SYNPR: variants seen among roughly 807,000 people sequenced by gnomAD.
SYNPR encodes synaptoporin.
A neutral mutation model predicts 32.9 loss-of-function variants in SYNPR; 23 were observed. That is an observed-to-expected ratio of 0.70 (90% CI 0.50 to 0.99). The LOEUF (loss-of-function observed/expected upper bound fraction) is 0.99, where lower values mean the gene tolerates loss of function less well. SYNPR is among the 50% of genes least tolerant of loss of function. SYNPR has a pLI of 0.00. For synonymous variants in SYNPR, 146 were observed against 135.9 expected (o/e 1.07, Z -0.52); for missense variants, 318 against 349.3 (o/e 0.91, Z 0.71).
intron 2 of SYNPR, among the ~76,000 whole-genome samples, chr3:63,397,607 T>G (rs1237194495): frequency 6.6e-6 from 1 of 152,152 alleles, no homozygotes; most frequent in Non-Finnish European, 1.5e-5. Flanking sequence ...CGCTCTGAAG[T>G]TCTGTGATAT....
chr3:63,455,421 T>C (rs1227462297), intron 2 of SYNPR, among the ~76,000 whole-genome samples: 3 of 152,140 alleles, frequency 2.0e-5, no homozygotes, highest in Non-Finnish European at 4.4e-5. Flanking sequence ...AGTGAAATAA[T>C]GACATTTTAA....
At chr3:63,448,601 C>A (rs1001856474) in intron 2 of SYNPR, among the ~76,000 whole-genome samples, 8 of 151,916 alleles carry the variant, frequency 5.3e-5, no homozygotes, top group Admixed American at 5.2e-4. Flanking sequence ...AATTGAATGG[C>A]AGAGGAAAAA....
At chr3:63,497,563 T>A (rs530197792) in intron 3 of SYNPR, among the ~76,000 whole-genome samples, 2,683 of 151,890 alleles carry the variant, frequency 0.018, 84 homozygotes, top group African/African-American at 0.061. Flanking sequence ...TTTTTTTTTT[T>A]TTCTTGTCAG....
chr3:63,319,311 AT>A (rs1274109055), intron 2 of SYNPR, among the ~76,000 whole-genome samples: 1 of 151,980 alleles, frequency 6.6e-6, no homozygotes, highest in East Asian at 1.9e-4. Context: ...ATATCAGACT[AT>A]TTTGGTTATT....
At chr3:63,580,092 G>A (rs1187921434) in intron 4 of SYNPR, among the ~76,000 whole-genome samples, 2 of 152,140 alleles carry the variant, frequency 1.3e-5, no homozygotes, top group Admixed American at 1.3e-4. Flanking sequence ...GAGAACCAAA[G>A]AAGTTGGTGA....
chr3:63,585,398 C>T (rs1043799901), intron 4 of SYNPR, among the ~76,000 whole-genome samples: 1 of 152,024 alleles, frequency 6.6e-6, no homozygotes, highest in African/African-American at 2.4e-5. Context: ...AGCATGCATG[C>T]CCCTGGAAGG....
intron 4 of SYNPR, among the ~76,000 whole-genome samples, chr3:63,599,999 T>TA (rs968716027): frequency 6.6e-6 from 1 of 152,210 alleles, no homozygotes; most frequent in Non-Finnish European, 1.5e-5. Context: ...GAACATCACT[T>TA]AAAGTTATTA....
At chr3:63,375,572 A>G (rs148620210) in intron 2 of SYNPR, among the ~76,000 whole-genome samples, 18 of 152,084 alleles carry the variant, frequency 1.2e-4, no homozygotes, top group African/African-American at 4.3e-4. Context: ...GGCCTGTCAT[A>G]GAGTAGGGGC....
intron 2 of SYNPR, among the ~76,000 whole-genome samples, chr3:63,399,284 GC>G (rs2088258352): frequency 6.6e-6 from 1 of 152,162 alleles, no homozygotes; most frequent in Non-Finnish European, 1.5e-5. Context: ...AAACTGAGTA[GC>G]TTGTAGACAG....
intron 2 of SYNPR, among the ~76,000 whole-genome samples, chr3:63,470,428 G>T (rs913494232): frequency 2.6e-5 from 4 of 151,950 alleles, no homozygotes; most frequent in Non-Finnish European, 5.9e-5. Context: ...TTAAAGATTT[G>T]TATCAGGCTT....
chr3:63,522,664 A>G (rs1267578055), intron 3 of SYNPR, among the ~76,000 whole-genome samples: 1 of 152,200 alleles, frequency 6.6e-6, no homozygotes, highest in African/African-American at 2.4e-5. Flanking sequence ...GTCTTAACAG[A>G]AGACAAATAA....
intron 4 of SYNPR, among the ~76,000 whole-genome samples, chr3:63,575,409 C>T (rs1702959301): frequency 1.3e-5 from 2 of 152,218 alleles, no homozygotes; most frequent in South Asian, 4.1e-4. Flanking sequence ...ATGTGGCACA[C>T]TCTCAGCTCC....
At chr3:63,208,637 G>A in the SYNPR span, among the ~76,000 whole-genome samples, 1 of 152,160 alleles carries the variant, frequency 6.6e-6, no homozygotes, top group South Asian at 2.1e-4. Flanking sequence ...ACTGTTCCAG[G>A]AGATGCTGTG....
rs959916133 is a variant in SYNPR at position 63,304,240 on chromosome 3, G to C, written c.84+25498G>C. ...GGGTTCTCTTATAGGGAAAGCATTT[G>C]GAAACTAAGGGGAGAAAGAAAGACG... is the stretch of plus-strand genomic sequence containing the variant. On this transcript the variant is annotated intron_variant, in intron 2 of 5. Transcript: ENST00000478300. Among the ~76,000 whole-genome samples the C allele has an allele frequency of 4.6e-5, 7 of 151,974 alleles. No homozygotes were observed. In the South Asian group the frequency reaches 1.4e-3, roughly 31 times the overall value.
chr3:63,394,452 C>G (rs1253046703), intron 2 of SYNPR, among the ~76,000 whole-genome samples: 4 of 152,114 alleles, frequency 2.6e-5, no homozygotes, highest in Non-Finnish European at 5.9e-5. Flanking sequence ...TGGTTTGGTC[C>G]CTGAGCACAG....
At chr3:63,325,019 T>C (rs1448646809) in intron 2 of SYNPR, among the ~76,000 whole-genome samples, 1 of 152,142 alleles carries the variant, frequency 6.6e-6, no homozygotes, top group Admixed American at 6.5e-5. Context: ...AGGTTGAGAA[T>C]GGTGAAGAAT....
chr3:63,364,109 T>C (rs1355401202), intron 2 of SYNPR, among the ~76,000 whole-genome samples: 2 of 152,196 alleles, frequency 1.3e-5, no homozygotes, highest in African/African-American at 4.8e-5. Flanking sequence ...AACTCATGTT[T>C]TCTATTTATC....
At chr3:63,515,366 T>C (rs184810015) in intron 3 of SYNPR, among the ~76,000 whole-genome samples, 34 of 152,256 alleles carry the variant, frequency 2.2e-4, no homozygotes, top group Non-Finnish European at 4.3e-4. Flanking sequence ...TTTGCTTAAT[T>C]AGATAATATC....
chr3:63,203,963 C>T, the SYNPR span, among the ~76,000 whole-genome samples: 1 of 152,236 alleles, frequency 6.6e-6, no homozygotes, highest in South Asian at 2.1e-4. Flanking sequence ...GGCGCCATGG[C>T]ATTCCATCCT....
Sources: allele counts gnomAD v4.1 joint callset (sites outside exome capture counted in the v4.1 genomes callset), GRCh38; gene constraint gnomAD v4.1.1; transcripts MANE v1.5; gene names NCBI Gene and HGNC (gene_info 2026-07-23, HGNC 2026-07-21).